The following GALK2 variants were observed in gnomAD, a reference collection of about 807,000 sequenced individuals.
GALK2 encodes the protein galactokinase 2.
Under a neutral mutation model 52.4 loss-of-function variants are expected in GALK2, and 36 were observed. The observed-to-expected ratio is 0.69, with a 90% confidence interval of 0.53 to 0.91. The LOEUF (loss-of-function observed/expected upper bound fraction) is 0.91. Ranked by LOEUF, GALK2 falls within the 40% of genes least tolerant of loss-of-function variation. The pLI, the probability that GALK2 is intolerant of heterozygous loss-of-function variation, is 0.00. For synonymous variants in GALK2, 176 were observed against 199.1 expected (o/e 0.88, Z 0.98); for missense variants, 579 against 559.1 (o/e 1.04, Z -0.36).
chr15:49,335,492 G>C (rs148287477), downstream of GALK2: 11 of 1,612,072 alleles, frequency 6.8e-6, no homozygotes, highest in Non-Finnish European at 9.3e-6. Flanking sequence ...GTTGGAGCAG[G>C]TAGTGTGCTA....
intron 8 of GALK2, among the ~76,000 whole-genome samples, chr15:49,302,639 G>A (rs2035211004): frequency 6.6e-6 from 1 of 152,174 alleles, no homozygotes; most frequent in African/African-American, 2.4e-5. Context: ...GAAGGAAATT[G>A]ATTTAAATGT....
At chr15:49,179,469 C>T (rs773001088) in intron 1 of GALK2, among the ~76,000 whole-genome samples, 2 of 152,110 alleles carry the variant, frequency 1.3e-5, no homozygotes, top group African/African-American at 2.4e-5. Flanking sequence ...TGCCCAAGGT[C>T]ACAGTGGAAG....
At chr15:49,296,663 G>A (rs971660729) in intron 8 of GALK2, among the ~76,000 whole-genome samples, 7 of 151,562 alleles carry the variant, frequency 4.6e-5, no homozygotes, top group Middle Eastern at 3.4e-3. Context: ...GCAGTGATGC[G>A]ATCTTGGCTC....
At chr15:49,306,011 G>A (rs2035515672) in intron 8 of GALK2, among the ~76,000 whole-genome samples, 1 of 152,166 alleles carries the variant, frequency 6.6e-6, no homozygotes, top group Non-Finnish European at 1.5e-5. Flanking sequence ...GAAAGTGAAA[G>A]ATTTTTATCT....
At chr15:49,363,031 T>A (rs1313130562) in intron 3 of GALK2, among the ~76,000 whole-genome samples, 1 of 152,224 alleles carries the variant, frequency 6.6e-6, no homozygotes, top group Non-Finnish European at 1.5e-5. Context: ...TGTAGCCTTG[T>A]AGTGGAATCT....
intron 3 of GALK2, among the ~76,000 whole-genome samples, chr15:49,219,520 A>G (rs912892033): frequency 3.9e-5 from 6 of 151,988 alleles, no homozygotes; most frequent in African/African-American, 1.5e-4. Flanking sequence ...TTTTAAAGAA[A>G]TTTTCTGGCT....
Position 49,327,990 on chromosome 15 carries a change from G to T in GALK2, c.1208G>T (p.Gly403Val), listed in dbSNP as rs751092726. The T allele has an allele frequency of 1.2e-6, 2 of 1,613,822 alleles. No individual in the cohort carries two copies. The highest frequency in any genetic ancestry group is 8.5e-7 in the Non-Finnish European group (1 of 1,179,786). ...GAQGSRLTGAGWGGCTVSMVP... is the reference protein window; with the variant it reads ...GAQGSRLTGAVWGGCTVSMVP... ...CAAGGGTCACGACTTACTGGAGCAGGATGGGGAGGCTGCACAGTATCAATG... is the reference window on the plus strand; with the variant it reads ...CAAGGGTCACGACTTACTGGAGCAGTATGGGGAGGCTGCACAGTATCAATG... The change falls in exon 10 of 10, where the codon GGA becomes GTA. Residue 403 changes from glycine to valine, a missense_variant. Transcript: ENST00000560031.
intron 8 of GALK2, among the ~76,000 whole-genome samples, chr15:49,312,793 A>G (rs2036101868): frequency 6.6e-6 from 1 of 152,212 alleles, no homozygotes. Context: ...TTGTGTTTAC[A>G]TATGTCTGGG....
At chr15:49,192,483 A>ATG (rs1263833607) in intron 1 of GALK2, among the ~76,000 whole-genome samples, 232 of 65,220 alleles carry the variant, frequency 3.6e-3, no homozygotes, top group Non-Finnish European at 4.2e-3. Context: ...TTATATATAT[A>ATG]TGTATATATA....
rs931029238 is a variant in GALK2, at chr15:49,348,461, C to A, written c.427-19030C>A. Among the ~76,000 whole-genome samples, 4 of 152,268 alleles carry A rather than the reference C, an allele frequency of 2.6e-5. No individual in the cohort carries two copies. The South Asian group carries it at 6.2e-4, about 24-fold the overall frequency. On this transcript the variant is annotated intron_variant, in intron 3 of 3. Transcript: ENST00000558399. ...CAGAAAACAGACACATGTGAGGCAACCACCAAAAGGAGCCAATTTCGTTTT... is the reference window on the plus strand; with the variant it reads ...CAGAAAACAGACACATGTGAGGCAAACACCAAAAGGAGCCAATTTCGTTTT...
chr15:49,213,637 T>G (rs1351998366), intron 2 of GALK2, among the ~76,000 whole-genome samples: 1 of 152,164 alleles, frequency 6.6e-6, no homozygotes, highest in African/African-American at 2.4e-5. Flanking sequence ...TATAATCCAT[T>G]CATCCACTTT....
chr15:49,178,628 C>G (rs993242328), intron 1 of GALK2: 1 of 224,626 alleles, frequency 4.5e-6, no homozygotes, highest in South Asian at 7.0e-5. Flanking sequence ...ATGTGGAGCC[C>G]TGTGGTAGAG....
chr15:49,336,625 A>T (rs1312916498), downstream of GALK2, among the ~76,000 whole-genome samples: 1 of 152,134 alleles, frequency 6.6e-6, no homozygotes, highest in African/African-American at 2.4e-5. Flanking sequence ...TGCTCATTTT[A>T]TTTATTTTTC....
rs143658031 is a variant in GALK2, at chr15:49,280,585, G to C, written c.505-1402G>C. Among the ~76,000 whole-genome samples, 7 of 152,212 alleles carry C rather than the reference G, an allele frequency of 4.6e-5. No individual in the cohort carries two copies. The East Asian group carries it at 1.4e-3, about 29-fold the overall frequency. On this transcript the variant is annotated intron_variant, in intron 5 of 9. Transcript: ENST00000560031. ...CATGCTGTAGAGTATGAGCATTAAG[G>C]TGTTGGCAACCAAGCAGGCAAGAGA...
chr15:49,210,226 T>C (rs969153038), intron 2 of GALK2, among the ~76,000 whole-genome samples: 25 of 151,992 alleles, frequency 1.6e-4, no homozygotes, highest in Non-Finnish European at 3.7e-4. Context: ...TGTTCTCTTT[T>C]TCTCAGTCTA....
chr15:49,331,697 T>C lies in GALK2; in HGVS notation c.*3538T>C. On this transcript the variant is annotated 3_prime_UTR_variant, in exon 10 of 10. Transcript: ENST00000560031. ...CCACTGTAATTTGGGTGTGCCACCATACATTGCTTATGAAATATTGTCCAG... is the reference window on the plus strand; with the variant it reads ...CCACTGTAATTTGGGTGTGCCACCACACATTGCTTATGAAATATTGTCCAG... 8 of 857,078 alleles carry C rather than the reference T, an allele frequency of 9.3e-6. No individual in the cohort carries two copies. In the South Asian group the frequency reaches 9.9e-5, roughly 11 times the overall value. The allele number at this position is 857,078 out of a possible 1,614,324, so 53.1% of individuals were successfully genotyped here. A position where few individuals can be genotyped will look rare whatever the true frequency, so the allele number is the denominator to read the frequency against.
intron 5 of GALK2, among the ~76,000 whole-genome samples, chr15:49,247,272 C>T (rs1052028887): frequency 1.3e-5 from 2 of 152,016 alleles, no homozygotes; most frequent in African/African-American, 4.8e-5. Flanking sequence ...GGTCAAGGGC[C>T]ATGGTGTGTA....
intron 3 of GALK2, chr15:49,225,262 C>T (rs984247649): frequency 2.6e-5 from 12 of 455,854 alleles, no homozygotes; most frequent in African/African-American, 2.4e-4. Context: ...ATAGGCCACA[C>T]CATTCTTGGA....
At position 49,262,293 on chromosome 15, in the gene GALK2, T is replaced by G. The variant is rs959855716; in HGVS notation, c.505-19694T>G. Among the ~76,000 whole-genome samples, 6 of 152,326 alleles carry G rather than the reference T, an allele frequency of 3.9e-5. No individual in the cohort carries two copies. In the South Asian group the frequency reaches 8.3e-4, roughly 21 times the overall value. On this transcript the variant is annotated intron_variant, in intron 5 of 9. Transcript: ENST00000560031. ...GATTCAACTTCTTCCTGGTTTAGTCTTGGGAGGGTGTATGTGTCGAGGAAT... is the reference window on the plus strand; with the variant it reads ...GATTCAACTTCTTCCTGGTTTAGTCGTGGGAGGGTGTATGTGTCGAGGAAT...
Sources: gnomAD v4.1 joint callset for allele counts (sites outside exome capture counted in the v4.1 genomes callset) on GRCh38, gnomAD v4.1.1 for gene constraint, MANE v1.5 for transcripts, NCBI Gene and HGNC (gene_info 2026-07-23, HGNC 2026-07-21) for gene names.